Variants in SMOC1 observed in about 807,000 individuals in gnomAD.
SMOC1 encodes the protein SPARC-related modular calcium-binding protein 1.
SMOC1 carries 22 observed loss-of-function variants against 56.3 expected under a neutral mutation model. The ratio of observed to expected loss-of-function variants is 0.39; its 90% confidence interval spans 0.28 to 0.56. SMOC1 has a LOEUF of 0.56. Among genes scored for constraint, SMOC1 ranks in the 20% least tolerant of loss-of-function variants. SMOC1 has a pLI of 0.61. For synonymous variants in SMOC1, 193 were observed against 215.0 expected (o/e 0.90, Z 0.89); for missense variants, 509 against 565.4 (o/e 0.90, Z 1.01).
chr14:70,010,738 G>A lies in SMOC1; in HGVS notation c.665-16G>A. 1 of 1,613,776 alleles carries A rather than the reference G, an allele frequency of 6.2e-7. No homozygotes were observed. Among genetic ancestry groups the A allele is most frequent in the Non-Finnish European group, 8.5e-7 (1 of 1,179,682 alleles). Reference sequence around the variant, plus strand: ...ACAGGAGTGATAGTCACCACAGGCTGTGTCTTCTCTTGCAGAGAAAGTCTA... The same window carrying A: ...ACAGGAGTGATAGTCACCACAGGCTATGTCTTCTCTTGCAGAGAAAGTCTA... On this transcript the variant is annotated splice_polypyrimidine_tract_variant and intron_variant, in intron 7 of 11. Transcript: ENST00000361956.
At chr14:69,959,064 A>C (rs1414747683) in intron 3 of SMOC1, among the ~76,000 whole-genome samples, 3 of 152,226 alleles carry the variant, frequency 2.0e-5, no homozygotes, top group Non-Finnish European at 4.4e-5. Context: ...AGCAACAGTT[A>C]AGTCTAACCC....
At position 70,010,926 on chromosome 14, in the gene SMOC1, G is replaced by A. The variant is rs536483256; in HGVS notation, c.837G>A (p.Pro279=). 5.6e-5 allele frequency: 90 copies of A among 1,612,742 alleles called. No homozygotes were observed. Among genetic ancestry groups the A allele is most frequent in the Middle Eastern group, 2.0e-4 (1 of 4,980 alleles). The change falls in exon 8 of 12, where the codon CCG becomes CCA. Residue 279 remains proline, a synonymous_variant. Coordinates refer to ENST00000361956, the MANE Select transcript of SMOC1 (RefSeq NM_001034852.3). The part of the protein sequence containing the change: ...CWCVLVDTGR[P]LPGTSTRYVM... ...GTGTGCTGGTGGACACAGGGCGCCC[G>A]CTGCCTGGGACCTCCACACGGTAAG...
chr14:69,935,125 T>G (rs900055613), intron 1 of SMOC1, among the ~76,000 whole-genome samples: 1 of 152,204 alleles, frequency 6.6e-6, no homozygotes, highest in African/African-American at 2.4e-5. Context: ...TTTAGATAAA[T>G]GTAGTCTTCT....
At chr14:70,015,750 A>T (rs557212936) in intron 10 of SMOC1, among the ~76,000 whole-genome samples, 2 of 152,268 alleles carry the variant, frequency 1.3e-5, no homozygotes, top group East Asian at 3.9e-4. Flanking sequence ...CGAGATAGAG[A>T]GGACAGCACA....
chr14:69,995,940 G>C (rs1336500830), intron 7 of SMOC1, among the ~76,000 whole-genome samples: 1 of 152,110 alleles, frequency 6.6e-6, no homozygotes, highest in Admixed American at 6.6e-5. Context: ...TCAAATAGAA[G>C]TGGTTTTGGT....
intron 5 of SMOC1, among the ~76,000 whole-genome samples, chr14:69,983,361 G>GT (rs1286355772): frequency 1.3e-5 from 2 of 152,240 alleles, no homozygotes; most frequent in Non-Finnish European, 2.9e-5. Flanking sequence ...TGTCAGGCTT[G>GT]TTATCGTCAC....
chr14:70,006,855 G>A (rs1885164564), intron 7 of SMOC1, among the ~76,000 whole-genome samples: 1 of 152,162 alleles, frequency 6.6e-6, no homozygotes. Context: ...GCTTCCTTGT[G>A]ATGATCTTAG....
At chr14:69,894,129 T>A (rs562003907) in intron 1 of SMOC1, among the ~76,000 whole-genome samples, 3 of 152,320 alleles carry the variant, frequency 2.0e-5, no homozygotes, top group African/African-American at 7.2e-5. Context: ...AGCAAACTAA[T>A]ACAGTGACTT....
chr14:69,952,787 C>T (rs1208180174), intron 2 of SMOC1, among the ~76,000 whole-genome samples: 1 of 152,176 alleles, frequency 6.6e-6, no homozygotes, highest in Non-Finnish European at 1.5e-5. Context: ...GGTCTGTGTT[C>T]CTACAAAGCA....
chr14:70,027,118 G>A (rs1275199499), intron 11 of SMOC1, among the ~76,000 whole-genome samples: 1 of 152,168 alleles, frequency 6.6e-6, no homozygotes, highest in Non-Finnish European at 1.5e-5. Flanking sequence ...ACACTGCTCT[G>A]GACCCAAGCA....
chr14:69,990,229 TG>T (rs1305921559), intron 5 of SMOC1, among the ~76,000 whole-genome samples: 1 of 152,200 alleles, frequency 6.6e-6, no homozygotes, highest in Non-Finnish European at 1.5e-5. Context: ...CTGGGCCCGA[TG>T]GGCAGTCCAA....
chr14:69,919,783 C>T (rs80282722), intron 1 of SMOC1, among the ~76,000 whole-genome samples: 18,340 of 152,068 alleles, frequency 0.12, 1,518 homozygotes, highest in Non-Finnish European at 0.18. Context: ...CAGAGGTAGA[C>T]TTTTCAAAAA....
At chr14:69,887,455 A>G (rs1883841142) in intron 1 of SMOC1, among the ~76,000 whole-genome samples, 1 of 152,210 alleles carries the variant, frequency 6.6e-6, no homozygotes, top group African/African-American at 2.4e-5. Context: ...TTTGTCCATT[A>G]TTCAAGATCT....
At chr14:70,027,816 C>A (rs1329956810) in intron 11 of SMOC1, among the ~76,000 whole-genome samples, 1 of 152,160 alleles carries the variant, frequency 6.6e-6, no homozygotes, top group Non-Finnish European at 1.5e-5. Flanking sequence ...AGCGAAGGCA[C>A]AAAAGAAATT....
In SMOC1 at chr14:70,000,167, G is replaced by A. The variant is rs577219746; in HGVS notation, c.664+5687G>A. On this transcript the variant is annotated intron_variant, in intron 7 of 11. Coordinates refer to ENST00000361956, the MANE Select transcript of SMOC1 (RefSeq NM_001034852.3). ...TTGTAAAGTGGCTTTGGAAGTAGAC[G>A]GGGTCTACATCTCATAAACACACTC... Among the ~76,000 whole-genome samples the A allele has an allele frequency of 5.9e-5, 9 of 152,190 alleles. No homozygotes were observed. The South Asian group carries it at 1.5e-3, about 25-fold the overall frequency.
At chr14:69,915,043 T>C (rs1371142421) in intron 1 of SMOC1, among the ~76,000 whole-genome samples, 1 of 152,138 alleles carries the variant, frequency 6.6e-6, no homozygotes, top group Non-Finnish European at 1.5e-5. Context: ...ATTTTTTGTA[T>C]TTTTAGTAAA....
intron 1 of SMOC1, among the ~76,000 whole-genome samples, chr14:69,886,623 G>C (rs370939177): frequency 6.6e-6 from 1 of 152,126 alleles, no homozygotes. Flanking sequence ...GTCCTTTTTT[G>C]TATCTTGCAT....
At chr14:69,971,790 T>A (rs1449327049) in intron 3 of SMOC1, among the ~76,000 whole-genome samples, 2 of 152,354 alleles carry the variant, frequency 1.3e-5, no homozygotes, top group South Asian at 2.1e-4. Context: ...TCTCCTCTGC[T>A]GGCAATAGAA....
chr14:69,931,103 G>A (rs1400561146), intron 1 of SMOC1, among the ~76,000 whole-genome samples: 1 of 152,162 alleles, frequency 6.6e-6, no homozygotes, highest in Admixed American at 6.5e-5. Context: ...AAGCTTCCAC[G>A]GGTTCTTTCT....
Sources: allele counts gnomAD v4.1 joint callset (sites outside exome capture counted in the v4.1 genomes callset), GRCh38; gene constraint gnomAD v4.1.1; transcripts MANE v1.5; gene names NCBI Gene and HGNC (gene_info 2026-07-23, HGNC 2026-07-21).